MAGI2: variants seen among roughly 807,000 people sequenced by gnomAD.
MAGI2 encodes the protein membrane-associated guanylate kinase, WW and PDZ domain-containing protein 2.
In MAGI2, 35 loss-of-function variants were observed where a neutral mutation model predicts 133.3. The observed-to-expected ratio is 0.26, with a 90% CI of 0.20 to 0.35. The LOEUF is 0.35. Among genes scored for constraint, MAGI2 ranks in the 10% least tolerant of loss-of-function variants. The pLI is 1.00. For synonymous variants in MAGI2, 729 were observed against 710.6 expected (o/e 1.03, Z -0.41); for missense variants, 1,636 against 1,863.4 (o/e 0.88, Z 2.25).
At chr7:78,377,054 C>G (rs1794510184) in intron 6 of MAGI2, among the ~76,000 whole-genome samples, 1 of 152,118 alleles carries the variant, frequency 6.6e-6, no homozygotes, top group Non-Finnish European at 1.5e-5. Flanking sequence ...TATTTATCAT[C>G]ATCATTATCC....
chr7:78,256,823 A>G (rs2150953084), intron 9 of MAGI2, among the ~76,000 whole-genome samples: 1 of 152,336 alleles, frequency 6.6e-6, no homozygotes, highest in South Asian at 2.1e-4. Context: ...AAACAACTTC[A>G]TATTCAGAAA....
intron 1 of MAGI2, among the ~76,000 whole-genome samples, chr7:79,048,829 C>T (rs751229028): frequency 1.3e-5 from 2 of 152,064 alleles, no homozygotes; most frequent in Non-Finnish European, 1.5e-5. Flanking sequence ...CAAAAATTAG[C>T]CAGGTGTGGT....
chr7:79,213,026 G>T (rs1448480556), intron 1 of MAGI2, among the ~76,000 whole-genome samples: 1 of 151,902 alleles, frequency 6.6e-6, no homozygotes, highest in Non-Finnish European at 1.5e-5. Flanking sequence ...CTGTTACCTG[G>T]ATTGCTTTGA....
intron 1 of MAGI2, among the ~76,000 whole-genome samples, chr7:79,164,085 G>A (rs1194723404): frequency 6.6e-6 from 1 of 151,978 alleles, no homozygotes; most frequent in Admixed American, 6.6e-5. Flanking sequence ...AGCCTTCCTA[G>A]CACCCTGAGA....
At position 78,425,605 on chromosome 7, in the gene MAGI2, A is replaced by C. The variant is rs896599043; in HGVS notation, c.1046-56392T>G. Among the ~76,000 whole-genome samples the C allele has an allele frequency of 2.6e-5, 4 of 152,334 alleles. No individual in the cohort carries two copies. The East Asian group carries it at 7.7e-4, about 29-fold the overall frequency. On this transcript the variant is annotated intron_variant, in intron 6 of 21. Transcript: ENST00000354212. ...GGTGAGACTGTGTAAGGCCTAGAAG[A>C]GATCAGTTGCTACAGAGATAAGAGA...
At chr7:78,123,786 G>T (rs954692982) in intron 20 of MAGI2, among the ~76,000 whole-genome samples, 1 of 152,168 alleles carries the variant, frequency 6.6e-6, no homozygotes, top group Non-Finnish European at 1.5e-5. Flanking sequence ...AAACCTCAGA[G>T]TTTCACCTGA....
At chr7:78,485,598 T>G (rs997962703) in intron 6 of MAGI2, 8 of 152,028 alleles carry the variant, frequency 5.3e-5, no homozygotes, top group African/African-American at 9.7e-5. Context: ...TCCCCTCTCA[T>G]CTCTCTTTCA....
At chr7:79,388,077 C>T (rs1395654116) in intron 1 of MAGI2, among the ~76,000 whole-genome samples, 1 of 151,846 alleles carries the variant, frequency 6.6e-6, no homozygotes, top group African/African-American at 2.4e-5. Context: ...TTGAAATTTA[C>T]CTGAGATTAG....
chr7:78,983,145 T>G (rs1804933475), intron 2 of MAGI2, among the ~76,000 whole-genome samples: 1 of 151,972 alleles, frequency 6.6e-6, no homozygotes, highest in African/African-American at 2.4e-5. Context: ...TTGGTTTCTT[T>G]CTGGCTTTTA....
At chr7:79,149,204 G>A (rs534527286) in intron 1 of MAGI2, among the ~76,000 whole-genome samples, 152 of 148,128 alleles carry the variant, frequency 1.0e-3, no homozygotes, top group Admixed American at 3.4e-3. Flanking sequence ...TATATATAGA[G>A]CGAGAGAGAA....
intron 21 of MAGI2, among the ~76,000 whole-genome samples, chr7:78,060,853 C>T (rs934888718): frequency 3.3e-5 from 5 of 152,096 alleles, no homozygotes; most frequent in South Asian, 2.1e-4. Flanking sequence ...GGCCAAATCA[C>T]GGATGGCTTG....
At chr7:79,417,671 G>A (rs1846627985) in intron 1 of MAGI2, among the ~76,000 whole-genome samples, 1 of 151,914 alleles carries the variant, frequency 6.6e-6, no homozygotes, top group African/African-American at 2.4e-5. Context: ...TTTAATTCCT[G>A]TGATCCTGGA....
At chr7:78,773,578 C>T (rs1228780150) in intron 2 of MAGI2, among the ~76,000 whole-genome samples, 3 of 152,080 alleles carry the variant, frequency 2.0e-5, no homozygotes, top group Non-Finnish European at 4.4e-5. Flanking sequence ...AAAACAGGTA[C>T]CCATTAACAT....
chr7:78,565,507 T>C (rs191285496), intron 3 of MAGI2, among the ~76,000 whole-genome samples: 23 of 151,874 alleles, frequency 1.5e-4, no homozygotes, highest in Non-Finnish European at 3.2e-4. Flanking sequence ...TTAATATATG[T>C]AAGATGTTCA....
At chr7:79,368,716 CG>C (rs950155328) in intron 1 of MAGI2, among the ~76,000 whole-genome samples, 1 of 150,200 alleles carries the variant, frequency 6.7e-6, no homozygotes, top group Admixed American at 6.6e-5. Flanking sequence ...GGCGTAGTGG[CG>C]GGCGCCTGTA....
intron 21 of MAGI2, among the ~76,000 whole-genome samples, chr7:78,050,550 G>A (rs1368878595): frequency 1.3e-5 from 2 of 152,204 alleles, no homozygotes; most frequent in African/African-American, 4.8e-5. Context: ...ATTTAGCAAA[G>A]GCTACTGCTG....
At chr7:78,123,256 C>A (rs902600351) in intron 20 of MAGI2, among the ~76,000 whole-genome samples, 9 of 152,080 alleles carry the variant, frequency 5.9e-5, no homozygotes, top group African/African-American at 2.2e-4. Context: ...TCAAAACTTG[C>A]TACTCTCCAC....
chr7:78,998,046 C>T (rs553450220), intron 2 of MAGI2, among the ~76,000 whole-genome samples: 1 of 152,180 alleles, frequency 6.6e-6, no homozygotes, highest in East Asian at 1.9e-4. Flanking sequence ...TAACGCTGGA[C>T]CATATTTCAG....
intron 1 of MAGI2, among the ~76,000 whole-genome samples, chr7:79,068,642 G>C (rs543655617): frequency 2.6e-4 from 39 of 152,086 alleles, no homozygotes; most frequent in African/African-American, 8.7e-4. Flanking sequence ...TTTTGAATTT[G>C]TTTGCTCTTA....
Sources: gnomAD v4.1 joint callset for allele counts (sites outside exome capture counted in the v4.1 genomes callset) on GRCh38, gnomAD v4.1.1 for gene constraint, MANE v1.5 for transcripts, NCBI Gene and HGNC (gene_info 2026-07-23, HGNC 2026-07-21) for gene names.